The following SIRPB1 variants were observed in gnomAD, a reference collection of about 807,000 sequenced individuals.
SIRPB1 encodes signal regulatory protein beta 1, also known as signal-regulatory protein beta-1.
In SIRPB1, 28 loss-of-function variants were observed where a neutral mutation model predicts 34.1. That is an observed-to-expected ratio of 0.82 (90% CI 0.61 to 1.12). The LOEUF is 1.12. Among genes scored for constraint, SIRPB1 ranks in the 50% most tolerant of loss-of-function variants. SIRPB1 has a pLI of 0.00. For missense variants in SIRPB1, 499 were observed against 507.0 expected (o/e 0.98, Z 0.15); for synonymous variants, 211 against 203.8 (o/e 1.04, Z -0.30).
chr20:1,565,777 A>G lies in SIRPB1; in HGVS notation c.*3-280T>C, dbSNP rs142664030. 1.1e-4 allele frequency among the ~76,000 whole-genome samples: 17 copies of G among 151,436 alleles called. No individual in the cohort carries two copies. In the East Asian group the frequency reaches 3.0e-3, roughly 27 times the overall value. ...AGAGCAGCCTATCTGGGAATTCTCA[A>G]CACTACGGTGGGGATTACTTTGAAC... is the stretch of plus-strand genomic sequence containing the variant. On this transcript the variant is annotated intron_variant, in intron 5 of 5. Transcript: ENST00000381605.
At chr20:1,576,488 T>G (rs1251301319) in intron 2 of SIRPB1, among the ~76,000 whole-genome samples, 1 of 148,362 alleles carries the variant, frequency 6.7e-6, no homozygotes, top group Non-Finnish European at 1.5e-5. Context: ...CTCTAACCTC[T>G]TGCTTATATC....
chr20:1,616,911 A>G (rs1439342055), intron 1 of SIRPB1, among the ~76,000 whole-genome samples: 1 of 152,232 alleles, frequency 6.6e-6, no homozygotes, highest in African/African-American at 2.4e-5. Context: ...TCTCAAAAGA[A>G]GACATTAAAA....
chr20:1,570,112 C>T (rs1937571613), intron 4 of SIRPB1, among the ~76,000 whole-genome samples: 2 of 152,246 alleles, frequency 1.3e-5, no homozygotes, highest in African/African-American at 4.8e-5. Flanking sequence ...AACAACATCC[C>T]TCATTACTTC....
chr20:1,574,766 G>A lies in SIRPB1; in HGVS notation c.434-2729C>T, dbSNP rs575488702. On this transcript the variant is annotated intron_variant, in intron 2 of 5. Transcript: ENST00000381605. Reference sequence around the variant, plus strand: ...CCTTCAGACTCGGCCCAGTCTGTGAGGTCAGTGTTACCATCAAAGGGTGAG... The same window carrying A: ...CCTTCAGACTCGGCCCAGTCTGTGAAGTCAGTGTTACCATCAAAGGGTGAG... 2.9e-4 allele frequency among the ~76,000 whole-genome samples: 22 copies of A among 76,592 alleles called. No individual in the cohort carries two copies. In the East Asian group the frequency reaches 5.3e-3, roughly 18 times the overall value. 50.2% of individuals were successfully genotyped at this position (76,592 alleles called of 152,430 possible).
rs1370270838 is a variant in SIRPB1 at position 1,600,283 on chromosome 20, T to G, written c.76+19586A>C. ...GAAGCACACATTTGGATTCTTTGCA[T>G]TTTTACAATGAGCATTTTTTTGCTG... is the stretch of plus-strand genomic sequence containing the variant. On this transcript the variant is annotated intron_variant, in intron 1 of 5. Transcript: ENST00000381605. 4.0e-5 allele frequency among the ~76,000 whole-genome samples: 2 copies of G among 49,972 alleles called. 1 individual carries two copies. Among genetic ancestry groups the G allele is most frequent in the Admixed American group, 2.6e-4 (2 of 7,600 alleles). The allele number at this position is 49,972 out of a possible 152,430, so 32.8% of individuals were successfully genotyped here.
In SIRPB1 at chr20:1,566,249, G is replaced by T. The variant is rs2091132404; in HGVS notation, c.1103C>A (p.Thr368Asn). The change falls in exon 5 of 6, where the codon ACT (threonine) becomes AAT (asparagine). Residue 368 changes from threonine to asparagine, a missense_variant. By Grantham distance (65) the Thr-to-Asn change is moderately conservative (BLOSUM62 0). Coordinates refer to ENST00000381605, the MANE Select transcript of SIRPB1 (RefSeq NM_006065.5). ...DITHEAALAP[T>N]APLLVALLLG... ...GAGGAGAGCTACGAGGAGTGGAGCA[G>T]TAGGAGCCAGCGCTGCTTCTGGAAA... The T allele has an allele frequency of 6.2e-7, 1 of 1,607,330 alleles. No homozygotes were observed. Among genetic ancestry groups the T allele is most frequent in the African/African-American group, 1.3e-5 (1 of 75,016 alleles).
chr20:1,569,610 C>T (rs1369745442), intron 4 of SIRPB1, among the ~76,000 whole-genome samples: 1 of 152,240 alleles, frequency 6.6e-6, no homozygotes, highest in Non-Finnish European at 1.5e-5. Context: ...TCAGCACTGA[C>T]CCAGGAGATG....
Position 1,585,548 on chromosome 20 carries a change from T to C in SIRPB1, c.77-6854A>G, listed in dbSNP as rs553177260. ...ACAGTGAGCTATCATCTCACGCTTG[T>C]TAGAATAACTATTATCAAAAAGATG... On this transcript the variant is annotated intron_variant, in intron 1 of 5. Transcript: ENST00000381605. Among the ~76,000 whole-genome samples the C allele has an allele frequency of 4.1e-4, 20 of 48,852 alleles. 10 individuals carry two copies. Among genetic ancestry groups the C allele is most frequent in the Admixed American group, 8.2e-4 (6 of 7,322 alleles). 32.0% of individuals were successfully genotyped at this position (48,852 alleles called of 152,430 possible).
At position 1,583,535 on chromosome 20, in the gene SIRPB1, A is replaced by T. The variant is rs111522923; in HGVS notation, c.77-4841T>A. Among the ~76,000 whole-genome samples the T allele has an allele frequency of 2.1e-4, 10 of 48,502 alleles. 5 individuals are homozygous for T. Among genetic ancestry groups the T allele is most frequent in the Non-Finnish European group, 3.2e-4 (8 of 25,264 alleles). The allele number at this position is 48,502 out of a possible 152,430, so 31.8% of individuals were successfully genotyped here. A position where few individuals can be genotyped will look rare whatever the true frequency, so the allele number is the denominator to read the frequency against. On this transcript the variant is annotated intron_variant, in intron 1 of 5. Coordinates refer to ENST00000381605, the MANE Select transcript of SIRPB1 (RefSeq NM_006065.5). Reference sequence around the variant, plus strand: ...TGGTTATGGATATGGATATGAATATAACTATAGATATAGATAATATAGGCA... The same window carrying T: ...TGGTTATGGATATGGATATGAATATTACTATAGATATAGATAATATAGGCA...
rs531479101 is a variant in SIRPB1 at position 1,579,744 on chromosome 20, A to G, written c.77-1050T>C. The stretch of plus-strand genomic sequence containing the variant: ...GAAATGTAACATTTTATAGTTCTGG[A>G]GGTTAGAAGTCCAAAATAGTGTTAC... On this transcript the variant is annotated intron_variant, in intron 1 of 5. Transcript: ENST00000381605. Among the ~76,000 whole-genome samples, 135 of 148,556 alleles carry G rather than the reference A, an allele frequency of 9.1e-4. 4 individuals are homozygous for G. The highest frequency in any genetic ancestry group is 3.1e-3 in the African/African-American group (126 of 40,996).
rs1204758086 is a variant in SIRPB1, at chr20:1,602,703, C to T, written c.76+17166G>A. Among the ~76,000 whole-genome samples, 4 of 49,308 alleles carry T rather than the reference C, an allele frequency of 8.1e-5. 2 individuals are homozygous for T. Among genetic ancestry groups the T allele is most frequent in the Non-Finnish European group, 1.6e-4 (4 of 25,532 alleles). 32.3% of individuals were successfully genotyped at this position (49,308 alleles called of 152,430 possible). ...CCTCTATTATCAGATCACCCAATTG[C>T]GGACTCCTCTTGCAACTGCGTGGGC... On this transcript the variant is annotated intron_variant, in intron 1 of 5. Transcript: ENST00000381605.
At position 1,599,939 on chromosome 20, in the gene SIRPB1, C is replaced by CT. The variant is rs1202135349; in HGVS notation, c.76+19929dup. Among the ~76,000 whole-genome samples the CT allele has an allele frequency of 1.0e-4, 5 of 50,168 alleles. 2 individuals are homozygous for CT. Among genetic ancestry groups the CT allele is most frequent in the African/African-American group, 2.6e-4 (2 of 7,764 alleles). The allele number at this position is 50,168 out of a possible 152,430, so 32.9% of individuals were successfully genotyped here. On this transcript the variant is annotated intron_variant, in intron 1 of 5. Transcript: ENST00000381605. ...CCAACCTAGCTTTGGAATAAATTCA[C>CT]TTTTTTTTGTATCAGACCTCGCGCT...
rs2091096509 is a variant in SIRPB1 at position 1,563,618 on chromosome 20, T to C, written c.*1882A>G. The C allele has an allele frequency of 6.6e-6, 1 of 152,176 alleles. No homozygotes were observed. The highest frequency in any genetic ancestry group is 2.4e-5 in the African/African-American group (1 of 41,436). 9.4% of individuals were successfully genotyped at this position (152,176 alleles called of 1,614,324 possible). On this transcript the variant is annotated 3_prime_UTR_variant, in exon 6 of 6. Coordinates refer to ENST00000381605, the MANE Select transcript of SIRPB1 (RefSeq NM_006065.5). ...ATTTTATGAATAAAAGAGGTTTAATTGGACTCACAGTTCCACAGGCTTAAC... is the reference window on the plus strand; with the variant it reads ...ATTTTATGAATAAAAGAGGTTTAATCGGACTCACAGTTCCACAGGCTTAAC...
Position 1,561,970 on chromosome 20 carries a change from T to C in SIRPB1, c.*3530A>G, listed in dbSNP as rs1040947809. Among the ~76,000 whole-genome samples the C allele has an allele frequency of 3.3e-5, 5 of 152,222 alleles. No homozygotes were observed. The highest frequency in any genetic ancestry group is 1.2e-4 in the African/African-American group (5 of 41,458). ...CTGGAGATTCTTCTCTTCTTTCCCA[T>C]TAATTTATTCAATCATTTATTTATA... On this transcript the variant is annotated 3_prime_UTR_variant, in exon 6 of 6. Transcript: ENST00000381605.
At chr20:1,591,670 T>G (rs1474931284) in intron 1 of SIRPB1, 1 of 55,546 alleles carries the variant, frequency 1.8e-5, no homozygotes, top group Non-Finnish European at 3.6e-5. Flanking sequence ...TTGGACTATG[T>G]TGGTGGAATC....
intron 1 of SIRPB1, among the ~76,000 whole-genome samples, chr20:1,618,154 A>G (rs1166624515): frequency 6.6e-6 from 1 of 151,662 alleles, no homozygotes; most frequent in Non-Finnish European, 1.5e-5. Context: ...TGGCCCATAG[A>G]AAGTAAAATA....
Position 1,585,866 on chromosome 20 carries a change from G to T in SIRPB1, c.77-7172C>A, listed in dbSNP as rs1458149765. Among the ~76,000 whole-genome samples the T allele has an allele frequency of 4.1e-5, 2 of 48,852 alleles. 1 individual carries two copies. Among genetic ancestry groups the T allele is most frequent in the Non-Finnish European group, 7.9e-5 (2 of 25,344 alleles). The allele number at this position is 48,852 out of a possible 152,430, so 32.0% of individuals were successfully genotyped here. A position where few individuals can be genotyped will look rare whatever the true frequency, so the allele number is the denominator to read the frequency against. On this transcript the variant is annotated intron_variant, in intron 1 of 5. Coordinates refer to ENST00000381605, the MANE Select transcript of SIRPB1 (RefSeq NM_006065.5). ...CCTAGGTGCGTATCAACAGATAAAT[G>T]GATAAAGAAAATGTGGTGTATACAT... is the stretch of plus-strand genomic sequence containing the variant.
chr20:1,618,949 G>T (rs2091669309), intron 1 of SIRPB1, among the ~76,000 whole-genome samples: 1 of 152,222 alleles, frequency 6.6e-6, no homozygotes, highest in Non-Finnish European at 1.5e-5. Flanking sequence ...GTTACAGTTT[G>T]GGAGACAGGG....
At position 1,561,401 on chromosome 20, in the gene SIRPB1, A is replaced by T. The variant is rs935240281; in HGVS notation, c.*4099T>A. On this transcript the variant is annotated 3_prime_UTR_variant, in exon 6 of 6. Coordinates refer to ENST00000381605, the MANE Select transcript of SIRPB1 (RefSeq NM_006065.5). ...GATACATTATGATTAATCAAAGTTC[A>T]TAGTTTATTTAGATCTTTTCTTTTT... 1.0e-5 allele frequency among the ~76,000 whole-genome samples: 1 copy of T among 99,708 alleles called. No homozygotes were observed. The highest frequency in any genetic ancestry group is 2.7e-5 in the Non-Finnish European group (1 of 36,912). 65.4% of individuals were successfully genotyped at this position (99,708 alleles called of 152,430 possible).
Sources: allele counts gnomAD v4.1 joint callset (sites outside exome capture counted in the v4.1 genomes callset), GRCh38; gene constraint gnomAD v4.1.1; transcripts MANE v1.5; gene names NCBI Gene and HGNC (gene_info 2026-07-23, HGNC 2026-07-21).